The following PTN variants were observed in gnomAD, a reference collection of about 807,000 sequenced individuals.
The protein encoded by PTN is heparin affin regulatory protein.
In PTN, 18 loss-of-function variants were observed where a neutral mutation model predicts 24.1. The observed-to-expected ratio is 0.75, with a 90% CI of 0.52 to 1.11. The LOEUF is 1.11. Among genes scored for constraint, PTN ranks in the 50% least tolerant of loss-of-function variants. The probability of loss-of-function intolerance (pLI) is 0.00; values close to 1 mark genes in which losing one functional copy is unlikely to be tolerated. For synonymous variants in PTN, 78 were observed against 68.6 expected, an observed-to-expected ratio of 1.14 and a Z score of -0.67; for missense variants, 163 against 198.8, an observed-to-expected ratio of 0.82 and a Z score of 1.08.
chr7:137,281,408 T>G (rs1809472085), intron 1 of PTN, among the ~76,000 whole-genome samples: 2 of 152,312 alleles, frequency 1.3e-5, no homozygotes, highest in Non-Finnish European at 2.9e-5. Context: ...CCAGCTACTG[T>G]GTGCTTTTAT....
At chr7:137,336,759 T>A (rs1319449256) in intron 1 of PTN, among the ~76,000 whole-genome samples, 3 of 152,136 alleles carry the variant, frequency 2.0e-5, no homozygotes, top group African/African-American at 7.2e-5. Context: ...AAGTGAGGAC[T>A]TGCATCTGGT....
intron 4 of PTN, among the ~76,000 whole-genome samples, chr7:137,245,574 T>C (rs1808708689): frequency 6.6e-6 from 1 of 152,234 alleles, no homozygotes; most frequent in Non-Finnish European, 1.5e-5. Context: ...ACAATACTTT[T>C]AATCATTATT....
chr7:137,311,231 C>CAAA (rs35319700), intron 1 of PTN, among the ~76,000 whole-genome samples: 1 of 101,618 alleles, frequency 9.8e-6, no homozygotes, highest in African/African-American at 3.6e-5. Flanking sequence ...GACTCCATTT[C>CAAA]AAAAAAAAAA....
chr7:137,286,375 T>C (rs1256375361), intron 1 of PTN, among the ~76,000 whole-genome samples: 1 of 152,212 alleles, frequency 6.6e-6, no homozygotes, highest in African/African-American at 2.4e-5. Flanking sequence ...TTGCTCCCTC[T>C]GGCCTACTGT....
intron 1 of PTN, among the ~76,000 whole-genome samples, chr7:137,332,213 C>A (rs904027628): frequency 2.0e-5 from 3 of 152,100 alleles, no homozygotes; most frequent in African/African-American, 7.2e-5. Context: ...ATCAGAAAAA[C>A]CGTAAAGGTA....
chr7:137,239,258 T>C (rs557639724), intron 4 of PTN, among the ~76,000 whole-genome samples: 2 of 152,350 alleles, frequency 1.3e-5, no homozygotes, highest in Admixed American at 6.5e-5. Flanking sequence ...GTGTGAATGA[T>C]GTAGCCTAGT....
intron 1 of PTN, among the ~76,000 whole-genome samples, chr7:137,340,578 G>T (rs902565365): frequency 1.3e-5 from 2 of 152,194 alleles, no homozygotes; most frequent in Admixed American, 1.3e-4. Flanking sequence ...TAAAAAGAAG[G>T]TTCATATCTG....
chr7:137,244,374 A>ATTTTTTTTTTTTTTTTTTTTTTTTTT (rs1242182641), intron 4 of PTN, among the ~76,000 whole-genome samples: 4 of 131,166 alleles, frequency 3.0e-5, no homozygotes, highest in Non-Finnish European at 4.8e-5. Flanking sequence ...TCTCCTCAGA[A>ATTTTTTTTTTTTTTTTTTTTTTTTTT]TTTTTTTTTT....
rs369412880 is a variant in PTN, at chr7:137,267,458, C to T, written c.-1-12484G>A. Among the ~76,000 whole-genome samples the T allele has an allele frequency of 4.6e-3, 695 of 152,212 alleles. 2 individuals carry two copies. The highest frequency in any genetic ancestry group is 8.1e-3 in the Admixed American group (123 of 15,278). ...TATGTACGGAAACTGGTCTGCGTGCCTTGGCTTACAGGTTACCTTGTGCCA... is the reference window on the plus strand; with the variant it reads ...TATGTACGGAAACTGGTCTGCGTGCTTTGGCTTACAGGTTACCTTGTGCCA... On this transcript the variant is annotated intron_variant, in intron 1 of 4. Transcript: ENST00000348225.
chr7:137,280,436 A>T (rs1427576358), intron 1 of PTN, among the ~76,000 whole-genome samples: 1 of 151,850 alleles, frequency 6.6e-6, no homozygotes, highest in Non-Finnish European at 1.5e-5. Flanking sequence ...GAATAAGAAG[A>T]CATAGAGTAA....
intron 1 of PTN, among the ~76,000 whole-genome samples, chr7:137,272,726 G>A (rs1324489722): frequency 1.3e-5 from 2 of 152,036 alleles, no homozygotes; most frequent in South Asian, 2.1e-4. Flanking sequence ...CTAAAAAAAC[G>A]AAACTAGAAA....
chr7:137,325,838 T>C (rs896575844), intron 1 of PTN: 2 of 152,216 alleles, frequency 1.3e-5, no homozygotes, highest in Non-Finnish European at 2.9e-5. Context: ...ACTGAAATTA[T>C]AGAAGCCTCT....
At chr7:137,264,482 C>A (rs377597297) in intron 1 of PTN, among the ~76,000 whole-genome samples, 1 of 152,134 alleles carries the variant, frequency 6.6e-6, no homozygotes, top group African/African-American at 2.4e-5. Context: ...ACTGGAGCAG[C>A]GCTTGTCGTC....
chr7:137,312,604 C>T (rs745769009), intron 1 of PTN, among the ~76,000 whole-genome samples: 21 of 152,096 alleles, frequency 1.4e-4, no homozygotes, highest in Non-Finnish European at 2.5e-4. Context: ...ATTCCTCCAC[C>T]CCTCTCTCAT....
chr7:137,334,045 G>A (rs893620093), intron 1 of PTN, among the ~76,000 whole-genome samples: 3 of 152,134 alleles, frequency 2.0e-5, no homozygotes, highest in African/African-American at 7.2e-5. Flanking sequence ...ATTAATTCAA[G>A]ACGGATTAAA....
intron 4 of PTN, among the ~76,000 whole-genome samples, chr7:137,239,163 G>C (rs1808575360): frequency 6.6e-6 from 1 of 152,108 alleles, no homozygotes; most frequent in South Asian, 2.1e-4. Flanking sequence ...TCAATAAGGA[G>C]GGGGAGTAAA....
chr7:137,234,368 G>C (rs1484704781), intron 4 of PTN, among the ~76,000 whole-genome samples: 1 of 152,044 alleles, frequency 6.6e-6, no homozygotes, highest in African/African-American at 2.4e-5. Flanking sequence ...GGATCCAAGG[G>C]CAGGACATTT....
At chr7:137,260,679 C>T (rs1014226174) in intron 1 of PTN, among the ~76,000 whole-genome samples, 1 of 152,028 alleles carries the variant, frequency 6.6e-6, no homozygotes, top group South Asian at 2.1e-4. Flanking sequence ...ATTCATGGTG[C>T]AATTCAATAT....
intron 1 of PTN, among the ~76,000 whole-genome samples, chr7:137,332,936 A>G (rs1656513281): frequency 6.6e-6 from 1 of 152,210 alleles, no homozygotes; most frequent in Non-Finnish European, 1.5e-5. Flanking sequence ...ACACTGTTCT[A>G]AAGTTTTACA....
Sources: gnomAD v4.1 joint callset for allele counts (sites outside exome capture counted in the v4.1 genomes callset) on GRCh38, gnomAD v4.1.1 for gene constraint, MANE v1.5 for transcripts, NCBI Gene and HGNC (gene_info 2026-07-23, HGNC 2026-07-21) for gene names.